The following CACNB2 variants were observed in gnomAD, a reference collection of about 807,000 sequenced individuals.
The protein encoded by CACNB2 is calcium voltage-gated channel auxiliary subunit beta 2, also known as voltage-dependent L-type calcium channel subunit beta-2.
A neutral mutation model predicts 73.3 loss-of-function variants in CACNB2; 42 were observed. The observed-to-expected ratio is 0.57, with a 90% confidence interval of 0.45 to 0.74. The LOEUF (loss-of-function observed/expected upper bound fraction) is 0.74. Ranked by LOEUF, CACNB2 falls within the 30% of genes least tolerant of loss-of-function variation. CACNB2 has a pLI of 0.00. For synonymous variants in CACNB2, 348 were observed against 310.3 expected, an observed-to-expected ratio of 1.12 and a Z score of -1.28; for missense variants, 940 against 853.0, an observed-to-expected ratio of 1.10 and a Z score of -1.27.
intron 2 of CACNB2, among the ~76,000 whole-genome samples, chr10:18,282,782 C>T (rs1457018236): frequency 6.6e-6 from 1 of 152,054 alleles, no homozygotes. Flanking sequence ...AAGACAGTCC[C>T]TAGACTGGGT....
At chr10:18,239,894 A>T (rs1337566259) in intron 2 of CACNB2, among the ~76,000 whole-genome samples, 3 of 152,184 alleles carry the variant, frequency 2.0e-5, no homozygotes, top group Non-Finnish European at 4.4e-5. Context: ...CAAGTCCTGG[A>T]ATTACATATC....
chr10:18,380,021 A>G (rs1166206583), intron 2 of CACNB2, among the ~76,000 whole-genome samples: 1 of 152,136 alleles, frequency 6.6e-6, no homozygotes, highest in Non-Finnish European at 1.5e-5. Flanking sequence ...GAATTTGACT[A>G]CACTGGGGAT....
intron 1 of CACNB2, 33 bp from the exon 2 acceptor site, chr10:18,150,850 T>C: frequency 8.2e-7 from 1 of 1,214,486 alleles, no homozygotes; most frequent in Non-Finnish European, 1.2e-6. Context: ...AATAATCTTA[T>C]TTGTCTTTTT....
At chr10:18,457,898 G>T (rs1187718273) in intron 3 of CACNB2, among the ~76,000 whole-genome samples, 1 of 144,784 alleles carries the variant, frequency 6.9e-6, no homozygotes, top group African/African-American at 2.5e-5. Context: ...CTCAAAAAAG[G>T]AAAAAAAAAA....
intron 6 of CACNB2, 112 bp from the exon 7 acceptor site, chr10:18,514,124 C>T: frequency 9.4e-7 from 1 of 1,064,114 alleles, no homozygotes; most frequent in Non-Finnish European, 1.4e-6. Flanking sequence ...CTGTGTTGAG[C>T]ACTCATGATA....
chr10:18,202,705 C>G (rs191189464), intron 2 of CACNB2, among the ~76,000 whole-genome samples: 1 of 152,320 alleles, frequency 6.6e-6, no homozygotes, highest in East Asian at 1.9e-4. Context: ...GTTCCAGAAC[C>G]ATTCTCAGGT....
chr10:18,348,459 G>A (rs939817339), intron 2 of CACNB2, among the ~76,000 whole-genome samples: 2 of 152,088 alleles, frequency 1.3e-5, no homozygotes, highest in African/African-American at 4.8e-5. Context: ...ATGGATGGAC[G>A]GACGGATGGA....
At chr10:18,357,710 C>G (rs758942826) in intron 2 of CACNB2, among the ~76,000 whole-genome samples, 2 of 152,162 alleles carry the variant, frequency 1.3e-5, no homozygotes, top group Non-Finnish European at 2.9e-5. Flanking sequence ...CACATGAATT[C>G]CAGCAGGATA....
intron 2 of CACNB2, among the ~76,000 whole-genome samples, chr10:18,295,719 A>T (rs1242290880): frequency 1.3e-5 from 2 of 152,206 alleles, no homozygotes; most frequent in African/African-American, 2.4e-5. Context: ...AGAATTTTGG[A>T]GTTTGCTTTC....
chr10:18,292,337 A>T (rs1461696275), intron 2 of CACNB2, among the ~76,000 whole-genome samples: 1 of 152,234 alleles, frequency 6.6e-6, no homozygotes, highest in African/African-American at 2.4e-5. Context: ...CGGCATGTTA[A>T]TCCTAATCAA....
chr10:18,464,427 A>T lies in CACNB2; in HGVS notation c.334-33928A>T, dbSNP rs1053820331. On this transcript the variant is annotated intron_variant, in intron 3 of 13. Transcript: ENST00000324631. The stretch of plus-strand genomic sequence containing the variant: ...ACCCTGTCTCAAAAATTAAAAAAAA[A>T]AAAAAAAAAAAAAGAATTTGGCTCT... Among the ~76,000 whole-genome samples, 23 of 148,460 alleles carry T rather than the reference A, an allele frequency of 1.5e-4. 1 individual carries two copies. Among genetic ancestry groups the T allele is most frequent in the Non-Finnish European group, 1.9e-4 (13 of 67,162 alleles).
Position 18,155,945 on chromosome 10 carries a change from A to G in CACNB2, c.213+4970A>G, listed in dbSNP as rs144663603. ...TGTCAATATGCCATATACATACCAT[A>G]TATATCACATTATATACATGAAAGG... On this transcript the variant is annotated intron_variant, in intron 2 of 13. Coordinates refer to ENST00000324631, the MANE Select transcript of CACNB2 (RefSeq NM_201596.3). Among the ~76,000 whole-genome samples, 554 of 151,762 alleles carry G rather than the reference A, an allele frequency of 3.7e-3. 4 individuals are homozygous for G. In the Middle Eastern group the frequency reaches 0.038, roughly 10 times the overall value.
chr10:18,280,858 G>A (rs545950505), intron 2 of CACNB2, among the ~76,000 whole-genome samples: 1 of 152,152 alleles, frequency 6.6e-6, no homozygotes, highest in African/African-American at 2.4e-5. Context: ...CAGTGGCCCA[G>A]GGGCAGGAAA....
rs2038325197 is a variant in CACNB2 at position 18,277,052 on chromosome 10, G to A, written c.214-124872G>A. On this transcript the variant is annotated intron_variant, in intron 2 of 13. Transcript: ENST00000324631. ...GGAGCTCTTGAGCCTGGGAGGTCGA[G>A]GCTGCAGTGAGCCGTGTTCGTGCCA... is the stretch of plus-strand genomic sequence containing the variant. 2.0e-5 allele frequency among the ~76,000 whole-genome samples: 3 copies of A among 152,202 alleles called. No homozygotes were observed. The South Asian group carries it at 6.2e-4, about 31-fold the overall frequency.
intron 3 of CACNB2, among the ~76,000 whole-genome samples, chr10:18,468,185 TGTG>T (rs2047999897): frequency 6.6e-6 from 1 of 152,048 alleles, no homozygotes; most frequent in Non-Finnish European, 1.5e-5. Context: ...ACAGGCCAGG[TGTG>T]GTGGCTCACG....
chr10:18,208,585 C>G (rs1170445016), intron 2 of CACNB2, among the ~76,000 whole-genome samples: 1 of 152,028 alleles, frequency 6.6e-6, no homozygotes, highest in Non-Finnish European at 1.5e-5. Context: ...GCACTCTAGC[C>G]TGTGCAACAG....
In CACNB2 at chr10:18,245,211, T is replaced by A. The variant is rs529894874; in HGVS notation, c.213+94236T>A. Among the ~76,000 whole-genome samples the A allele has an allele frequency of 2.2e-3, 336 of 152,256 alleles. 3 individuals carry two copies. Among genetic ancestry groups the A allele is most frequent in the African/African-American group, 7.4e-3 (306 of 41,510 alleles). ...TGTTAAAGCAGCAATAGCAAACACATACAGGCACACAGTGTGTAGAAATGT... is the reference window on the plus strand; with the variant it reads ...TGTTAAAGCAGCAATAGCAAACACAAACAGGCACACAGTGTGTAGAAATGT... On this transcript the variant is annotated intron_variant, in intron 2 of 13. Coordinates refer to ENST00000324631, the MANE Select transcript of CACNB2 (RefSeq NM_201596.3).
chr10:18,152,740 C>CA (rs57847393), intron 2 of CACNB2, among the ~76,000 whole-genome samples: 1 of 97,464 alleles, frequency 1.0e-5, no homozygotes, highest in Non-Finnish European at 2.0e-5. Flanking sequence ...AAACAAAAAA[C>CA]AAAACACTAG....
intron 2 of CACNB2, among the ~76,000 whole-genome samples, chr10:18,308,521 A>T (rs2039835327): frequency 6.6e-6 from 1 of 152,052 alleles, no homozygotes; most frequent in African/African-American, 2.4e-5. Flanking sequence ...CCTACAGCAA[A>T]ATTTTCTATT....
Sources: allele counts gnomAD v4.1 joint callset (sites outside exome capture counted in the v4.1 genomes callset), GRCh38; gene constraint gnomAD v4.1.1; transcripts MANE v1.5; gene names NCBI Gene and HGNC (gene_info 2026-07-23, HGNC 2026-07-21).